Variants in RPA1 observed in about 807,000 individuals in gnomAD.
The protein encoded by RPA1 is replication protein A1, also known as replication protein A 70 kDa DNA-binding subunit.
A neutral mutation model predicts 83.0 loss-of-function variants in RPA1; 49 were observed. The observed-to-expected ratio is 0.59, with a 90% CI of 0.47 to 0.75. The LOEUF is 0.75. RPA1 is among the 30% of genes least tolerant of loss of function. The pLI, the probability that RPA1 is intolerant of heterozygous loss-of-function variation, is 0.00. For missense variants in RPA1, 693 were observed against 776.1 expected, an observed-to-expected ratio of 0.89 and a Z score of 1.27; for synonymous variants, 279 against 281.8, an observed-to-expected ratio of 0.99 and a Z score of 0.10.
intron 16 of RPA1, 73 bp from the exon 17 acceptor site, chr17:1,896,998 A>G: frequency 7.7e-7 from 1 of 1,296,554 alleles, no homozygotes; most frequent in East Asian, 2.5e-5. Context: ...CACTGAAACC[A>G]CTGAAGCAAA....
chr17:1,830,060 G>A lies in RPA1; in HGVS notation c.-34G>A. 1 of 1,249,050 alleles carries A rather than the reference G, an allele frequency of 8.0e-7. No individual in the cohort carries two copies. The highest frequency in any genetic ancestry group is 1.0e-6 in the Non-Finnish European group (1 of 987,974). 77.4% of individuals were successfully genotyped at this position (1,249,050 alleles called of 1,614,324 possible). On this transcript the variant is annotated 5_prime_UTR_variant, in exon 1 of 17. Coordinates refer to ENST00000254719, the MANE Select transcript of RPA1 (RefSeq NM_002945.5). The stretch of plus-strand genomic sequence containing the variant: ...CCCGGGTGGGGAAGCTGGAGCTGTT[G>A]CGGGGTCCGCGGGGAAGTCTTGGCG...
chr17:1,850,978 TACAA>T lies in RPA1; in HGVS notation c.273-2119_273-2116del, dbSNP rs544396132. ...TTTTTTCTGGAAAACTTTAAACATCTACAAACATAGACAGAATACACAGTAGTCT... is the reference window on the plus strand; with the variant it reads ...TTTTTTCTGGAAAACTTTAAACATCTACATAGACAGAATACACAGTAGTCT... On this transcript the variant is annotated intron_variant, in intron 4 of 16. Transcript: ENST00000254719. Among the ~76,000 whole-genome samples, 235 of 152,334 alleles carry T rather than the reference TACAA, an allele frequency of 1.5e-3. 1 individual carries two copies. Among genetic ancestry groups the T allele is most frequent in the African/African-American group, 5.5e-3 (230 of 41,574 alleles).
chr17:1,885,836 C>G (rs930904378), intron 13 of RPA1, among the ~76,000 whole-genome samples: 1 of 152,216 alleles, frequency 6.6e-6, no homozygotes, highest in African/African-American at 2.4e-5. Context: ...CAACTATCGC[C>G]TCATGAAATA....
chr17:1,882,296 A>C (rs1913826580), intron 12 of RPA1, among the ~76,000 whole-genome samples: 1 of 152,180 alleles, frequency 6.6e-6, no homozygotes, highest in Non-Finnish European at 1.5e-5. Context: ...AGCAAAAGTA[A>C]AATTTCACTA....
rs1418668430 is a variant in RPA1, at chr17:1,898,893, T to C, written c.*1718T>C. ...TACAGTCTTCAACCCTCTTCTGGAT[T>C]GACAAATTGTGGCTGGGAAGTGGCG... On this transcript the variant is annotated 3_prime_UTR_variant, in exon 17 of 17. Coordinates refer to ENST00000254719, the MANE Select transcript of RPA1 (RefSeq NM_002945.5). 6.5e-6 allele frequency: 1 copy of C among 152,682 alleles called. No homozygotes were observed. The highest frequency in any genetic ancestry group is 1.5e-5 in the Non-Finnish European group (1 of 68,072). The allele number at this position is 152,682 out of a possible 1,614,324, so 9.5% of individuals were successfully genotyped here. A position where few individuals can be genotyped will look rare whatever the true frequency, so the allele number is the denominator to read the frequency against.
At chr17:1,858,243 A>G (rs957208980) in intron 5 of RPA1, 1 of 1,613,760 alleles carries the variant, frequency 6.2e-7, no homozygotes, top group South Asian at 1.1e-5. Context: ...GGGACTTCAC[A>G]AGTTCCAAAT....
chr17:1,842,931 A>G (rs1307174584), intron 2 of RPA1, 78 bp downstream of exon 2: 1 of 1,484,396 alleles, frequency 6.7e-7, no homozygotes, highest in Non-Finnish European at 9.4e-7. Context: ...GATGAAGGAC[A>G]GACAGATTTG....
At chr17:1,843,377 G>C (rs1912129064) in intron 2 of RPA1, among the ~76,000 whole-genome samples, 1 of 151,646 alleles carries the variant, frequency 6.6e-6, no homozygotes. Context: ...TCAGCTTGGG[G>C]CTCTGGGTAC....
chr17:1,847,812 G>A (rs1257632389), intron 4 of RPA1, among the ~76,000 whole-genome samples: 1 of 152,004 alleles, frequency 6.6e-6, no homozygotes, highest in Non-Finnish European at 1.5e-5. Context: ...ACAAGGACAG[G>A]AGATCGAAAC....
At chr17:1,861,633 A>G (rs1912975118) in intron 5 of RPA1, among the ~76,000 whole-genome samples, 1 of 152,172 alleles carries the variant, frequency 6.6e-6, no homozygotes, top group Non-Finnish European at 1.5e-5. Flanking sequence ...ATATTTCTAA[A>G]TAACACATTT....
At chr17:1,874,032 T>TATATATATATATATACACACAC (rs1171343408) in intron 6 of RPA1, among the ~76,000 whole-genome samples, 1 of 79,258 alleles carries the variant, frequency 1.3e-5, no homozygotes, top group African/African-American at 6.3e-5. Context: ...TATATATATA[T>TATATATATATATATACACACAC]ACACACACAC....
intron 12 of RPA1, among the ~76,000 whole-genome samples, chr17:1,883,203 C>G (rs1374463668): frequency 6.6e-6 from 1 of 152,184 alleles, no homozygotes; most frequent in African/African-American, 2.4e-5. Context: ...GTTGCCCAGG[C>G]TGGAGTGCAA....
chr17:1,856,330 C>A (rs1047076686), intron 5 of RPA1, among the ~76,000 whole-genome samples: 1 of 92,374 alleles, frequency 1.1e-5, no homozygotes, highest in Non-Finnish European at 2.1e-5. Context: ...GGTGCTGTGG[C>A]TCACGCCCAT....
intron 9 of RPA1, 48 bp from the exon 10 acceptor site, chr17:1,879,167 T>TC (rs1567821627): frequency 6.2e-7 from 1 of 1,609,230 alleles, no homozygotes; most frequent in Non-Finnish European, 8.5e-7. Context: ...GGGGTTTCTG[T>TC]CCGATTTGAT....
In RPA1 at chr17:1,879,418, G is replaced by A. The variant is rs1400841259; in HGVS notation, c.952+11G>A. The A allele has an allele frequency of 6.2e-7, 1 of 1,613,528 alleles. No homozygotes were observed. The highest frequency in any genetic ancestry group is 8.5e-7 in the Non-Finnish European group (1 of 1,179,504). ...AAGACTCACTTGTAGGTAAGCTCGTGTATGAGAAGGAAGAGCAGGGATGAC... is the reference window on the plus strand; with the variant it reads ...AAGACTCACTTGTAGGTAAGCTCGTATATGAGAAGGAAGAGCAGGGATGAC... On this transcript the variant is annotated intron_variant, in intron 10 of 16. Coordinates refer to ENST00000254719, the MANE Select transcript of RPA1 (RefSeq NM_002945.5).
intron 16 of RPA1, among the ~76,000 whole-genome samples, chr17:1,895,728 G>C (rs896929758): frequency 6.7e-6 from 1 of 149,696 alleles, no homozygotes; most frequent in Admixed American, 6.7e-5. Context: ...TGTCACCCAG[G>C]CTGGAGTGCA....
intron 4 of RPA1, among the ~76,000 whole-genome samples, chr17:1,852,594 A>G (rs1393185881): frequency 6.6e-6 from 1 of 152,238 alleles, no homozygotes; most frequent in East Asian, 1.9e-4. Context: ...AGGCCAGGCC[A>G]GGCAAGCCAT....
At chr17:1,891,329 A>G (rs1914192858) in intron 14 of RPA1, among the ~76,000 whole-genome samples, 1 of 152,204 alleles carries the variant, frequency 6.6e-6, no homozygotes, top group Non-Finnish European at 1.5e-5. Context: ...GAGCCGTCTC[A>G]TGGAACTCCT....
intron 5 of RPA1, among the ~76,000 whole-genome samples, chr17:1,860,128 G>A (rs1343285395): frequency 6.6e-6 from 1 of 152,004 alleles, no homozygotes; most frequent in Non-Finnish European, 1.5e-5. Context: ...ATTTTTTGTG[G>A]ACATGGAGTC....
Sources: gnomAD v4.1 joint callset for allele counts (sites outside exome capture counted in the v4.1 genomes callset) on GRCh38, gnomAD v4.1.1 for gene constraint, MANE v1.5 for transcripts, NCBI Gene and HGNC (gene_info 2026-07-23, HGNC 2026-07-21) for gene names.